Variants in TPM1 observed in about 807,000 individuals in gnomAD.
The protein encoded by TPM1 is tropomyosin alpha-1 chain.
TPM1 carries 24 observed loss-of-function variants against 42.9 expected under a neutral mutation model. The observed-to-expected ratio is 0.56, with a 90% confidence interval of 0.41 to 0.79. The LOEUF (loss-of-function observed/expected upper bound fraction) is 0.79, where lower values mean the gene tolerates loss of function less well. Ranked by LOEUF, TPM1 falls within the 30% of genes least tolerant of loss-of-function variation. TPM1 has a pLI of 0.00. For missense variants in TPM1, 158 were observed against 351.8 expected, an observed-to-expected ratio of 0.45 and a Z score of 4.41; for synonymous variants, 136 against 130.1, an observed-to-expected ratio of 1.05 and a Z score of -0.31.
In TPM1 at chr15:63,044,235, G is replaced by A. The variant is rs555503506; in HGVS notation, c.240+83G>A. 1.4e-5 allele frequency: 22 copies of A among 1,608,360 alleles called. No individual in the cohort carries two copies. In the East Asian group the frequency reaches 2.9e-4, roughly 21 times the overall value. ...CACCACAGGGCTGGAGAGCAATGAA[G>A]GAAGTTTACCTTTTCCTGCTGGACA... On this transcript the variant is annotated intron_variant, in intron 2 of 9. Transcript: ENST00000403994.
At chr15:63,069,854 T>C (rs1421194089), downstream of TPM1, 1 of 1,613,896 alleles carries the variant, frequency 6.2e-7, no homozygotes, top group East Asian at 2.2e-5. Flanking sequence ...GCTAACCTGC[T>C]TGCTGACCTG....
chr15:63,070,620 T>G, downstream of TPM1: 1 of 1,008,324 alleles, frequency 9.9e-7, no homozygotes, highest in South Asian at 4.2e-5. Flanking sequence ...ATAAATCATT[T>G]TAAAAGTTCT....
chr15:63,052,650 G>C (rs1315456582), intron 2 of TPM1, among the ~76,000 whole-genome samples: 1 of 152,084 alleles, frequency 6.6e-6, no homozygotes, highest in Non-Finnish European at 1.5e-5. Flanking sequence ...TCTGCTTTTA[G>C]ATAACAGATG....
chr15:63,063,115 C>A (rs1413835931), intron 8 of TPM1: 14 of 978,598 alleles, frequency 1.4e-5, no homozygotes, highest in African/African-American at 1.8e-5. Context: ...TACTTTATAT[C>A]CTGAAGGAGG....
chr15:63,066,063 T>C lies in TPM1; in HGVS notation c.*164T>C. 1 of 1,537,158 alleles carries C rather than the reference T, an allele frequency of 6.5e-7. No homozygotes were observed. Among genetic ancestry groups the C allele is most frequent in the Non-Finnish European group, 8.7e-7 (1 of 1,145,710 alleles). On this transcript the variant is annotated 3_prime_UTR_variant, in exon 10 of 10. Coordinates refer to ENST00000403994, the MANE Select transcript of TPM1 (RefSeq NM_001018005.2). Reference sequence around the variant, plus strand: ...CTTTCTATTGTACAGAAGCTCTTCGTTTCAGTGTCAAATAAACACTGTGTA... The same window carrying C: ...CTTTCTATTGTACAGAAGCTCTTCGCTTCAGTGTCAAATAAACACTGTGTA...
At chr15:63,061,147 T>C (rs776370235) in intron 5 of TPM1, 4 of 1,590,116 alleles carry the variant, frequency 2.5e-6, no homozygotes, top group Non-Finnish European at 3.5e-6. Flanking sequence ...ATGCCTTACC[T>C]GCACACTGAT....
At chr15:63,054,493 C>T (rs932394537) in intron 2 of TPM1, 10 of 152,220 alleles carry the variant, frequency 6.6e-5, no homozygotes, top group Non-Finnish European at 1.5e-4. Flanking sequence ...TCCTTCCTTT[C>T]TGGTGACTCG....
At chr15:63,046,993 T>G (rs1311009239) in intron 2 of TPM1, 1 of 152,242 alleles carries the variant, frequency 6.6e-6, no homozygotes, top group Non-Finnish European at 1.5e-5. Context: ...CCCAGGACAT[T>G]AAGTCACTAG....
Position 63,042,781 on chromosome 15 carries a change from T to A in TPM1, c.-49T>A. 1.3e-6 allele frequency: 2 copies of A among 1,538,554 alleles called. No individual in the cohort carries two copies. Among genetic ancestry groups the A allele is most frequent in the Non-Finnish European group, 1.8e-6 (2 of 1,118,970 alleles). On this transcript the variant is annotated 5_prime_UTR_variant, in exon 1 of 10. Transcript: ENST00000403994. ...CCCGCTCCTCCGCCCGACCGCGCGC[T>A]CGCCCCGCCGCTCCTGCTGCAGCCC...
At chr15:63,060,351 C>T (rs2035448589) in intron 4 of TPM1, among the ~76,000 whole-genome samples, 1 of 152,196 alleles carries the variant, frequency 6.6e-6, no homozygotes, top group South Asian at 2.1e-4. Flanking sequence ...AGGCTCCCTT[C>T]CTCTCTCTGG....
At chr15:63,068,938 G>A (rs1407561580), downstream of TPM1, among the ~76,000 whole-genome samples, 3 of 152,006 alleles carry the variant, frequency 2.0e-5, no homozygotes, top group Non-Finnish European at 4.4e-5. Context: ...CATGAGGTCA[G>A]GAGATTGAGA....
At chr15:63,067,027 C>CT (rs1294791192), downstream of TPM1, among the ~76,000 whole-genome samples, 9 of 151,930 alleles carry the variant, frequency 5.9e-5, no homozygotes, top group African/African-American at 2.2e-4. Flanking sequence ...AAAAATAGAA[C>CT]TTTAACTAAT....
At chr15:63,049,893 A>C (rs1224847643) in intron 2 of TPM1, among the ~76,000 whole-genome samples, 1 of 151,826 alleles carries the variant, frequency 6.6e-6, no homozygotes, top group Non-Finnish European at 1.5e-5. Flanking sequence ...ACTAATTCCG[A>C]CTCCCTTACT....
chr15:63,071,162 A>T (rs1420540097), downstream of TPM1: 1 of 1,613,854 alleles, frequency 6.2e-7, no homozygotes, highest in African/African-American at 1.3e-5. Flanking sequence ...CTGGAGTTAA[A>T]CAACATGTGA....
chr15:63,064,953 C>T (rs1438084972), intron 9 of TPM1: 23 of 958,046 alleles, frequency 2.4e-5, no homozygotes, highest in Non-Finnish European at 2.7e-5. Context: ...GACGACAGAG[C>T]GAGACTCTGT....
intron 3 of TPM1, 97 bp from the exon 4 acceptor site, chr15:63,059,466 A>G (rs1009918791): frequency 2.2e-5 from 20 of 929,866 alleles, no homozygotes; most frequent in Admixed American, 8.8e-5. Flanking sequence ...ATTTTGGTCT[A>G]CCACTTACAC....
intron 3 of TPM1, 100 bp downstream of exon 3, chr15:63,057,218 CTGG>C: frequency 6.5e-7 from 1 of 1,527,644 alleles, no homozygotes; most frequent in East Asian, 2.3e-5. Context: ...TTTCAGTCCC[CTGG>C]TGGTGGGATC....
intron 8 of TPM1, 58 bp downstream of exon 8, chr15:63,062,703 A>C: frequency 6.2e-7 from 1 of 1,613,656 alleles, no homozygotes; most frequent in Non-Finnish European, 8.5e-7. Flanking sequence ...CAACCTGGCA[A>C]AACAATTTTC....
At position 63,059,617 on chromosome 15, in the gene TPM1, T is replaced by C; in HGVS notation, c.429T>C (p.Ile143=). The change falls in exon 4 of 10, where the codon ATT becomes ATC. Residue 143 remains isoleucine (I), a synonymous_variant. Transcript: ENST00000403994. ...RAQKDEEKME[I]QEIQLKEAKH... ...AAAAAGATGAAGAAAAAATGGAAAT[T>C]CAGGAGATCCAACTGAAAGAGGCCA... 1 of 1,612,442 alleles carries C rather than the reference T, an allele frequency of 6.2e-7. No individual in the cohort carries two copies. The highest frequency in any genetic ancestry group is 2.2e-5 in the East Asian group (1 of 44,796).
Sources: allele counts gnomAD v4.1 joint callset (sites outside exome capture counted in the v4.1 genomes callset), GRCh38; gene constraint gnomAD v4.1.1; transcripts MANE v1.5; gene names NCBI Gene and HGNC (gene_info 2026-07-23, HGNC 2026-07-21).